Variants in DEFB121 observed in about 807,000 individuals in gnomAD.
DEFB121 encodes beta-defensin 121.
A neutral mutation model predicts 2.5 loss-of-function variants in DEFB121; 5 were observed. The observed-to-expected ratio is 1.96, with a 90% CI of 1.03 to 4.13. DEFB121 has a LOEUF of 4.13. DEFB121 is among the 30% of genes most tolerant of loss of function. The pLI, the probability that DEFB121 is intolerant of heterozygous loss-of-function variation, is 0.00. For missense variants in DEFB121, 87 were observed against 85.0 expected, an observed-to-expected ratio of 1.02 and a Z score of -0.09; for synonymous variants, 39 against 32.6, an observed-to-expected ratio of 1.20 and a Z score of -0.67.
upstream of DEFB121, among the ~76,000 whole-genome samples, chr20:31,417,041 C>G (rs542823288): frequency 6.6e-6 from 1 of 152,040 alleles, no homozygotes; most frequent in African/African-American, 2.4e-5. Context: ...TATAGGCCTC[C>G]CTTCACATTA....
Position 31,405,071 on chromosome 20 carries a change from C to T in DEFB121, c.73G>A (p.Gly25Ser). The change falls in exon 2 of 2, where the codon GGC (glycine) becomes AGC (serine). Residue 25 changes from glycine (G) to serine (S), a missense_variant. Gly to Ser is a moderately conservative substitution (Grantham distance 56). Transcript: ENST00000376314. ...AQVTPVMKCW[G>S]KSGRCRTTCK... ...GTTGTTCTGCACCTGCCTGACTTGC[C>T]CCAACATTTCATGACTGAAAACAAA... The T allele has an allele frequency of 6.3e-7, 1 of 1,595,314 alleles. No individual in the cohort carries two copies. Among genetic ancestry groups the T allele is most frequent in the African/African-American group, 1.4e-5 (1 of 73,630 alleles).
chr20:31,414,647 A>T (rs969688942), upstream of DEFB121, among the ~76,000 whole-genome samples: 1 of 152,260 alleles, frequency 6.6e-6, no homozygotes, highest in Non-Finnish European at 1.5e-5. Flanking sequence ...TGTCTAAAAC[A>T]GTCAAACTTA....
upstream of DEFB121, chr20:31,406,360 G>A (rs986046231): frequency 7.4e-5 from 83 of 1,123,194 alleles, 1 homozygote; most frequent in Non-Finnish European, 8.9e-5. Context: ...GCTGGGAGAG[G>A]GGGAAGGGAC....
chr20:31,405,999 G>C, intron 1 of DEFB121, 96 bp downstream of exon 1: 1 of 1,394,498 alleles, frequency 7.2e-7, no homozygotes, highest in South Asian at 1.2e-5. Context: ...AGCTCTACCA[G>C]GCCATTCTCC....
upstream of DEFB121, among the ~76,000 whole-genome samples, chr20:31,416,340 C>A (rs1357960797): frequency 6.6e-6 from 1 of 152,224 alleles, no homozygotes; most frequent in Non-Finnish European, 1.5e-5. Context: ...AGATTACAGG[C>A]ATAAGCCACG....
chr20:31,412,157 C>T (rs1023000957), intron 1 of DEFB121, among the ~76,000 whole-genome samples: 6 of 152,154 alleles, frequency 3.9e-5, no homozygotes, highest in Non-Finnish European at 8.8e-5. Flanking sequence ...GGATAGGAAG[C>T]ATTGGAGGGT....
At chr20:31,417,233 T>C (rs796751923), upstream of DEFB121, among the ~76,000 whole-genome samples, 25 of 152,114 alleles carry the variant, frequency 1.6e-4, no homozygotes, top group African/African-American at 6.0e-4. Flanking sequence ...TAATCTCAGG[T>C]ACTTGGGAGG....
Position 31,405,083 on chromosome 20 carries a change from T to A in DEFB121, c.61A>T (p.Met21Leu). Residue 21 changes from methionine (M) to leucine (L), a missense_variant and splice_region_variant, in exon 2 of 2, where the codon ATG becomes TTG. Coordinates refer to ENST00000376314, the MANE Select transcript of DEFB121 (RefSeq NM_001011878.3). Reference protein sequence around the residue: ...TLLLAQVTPVMKCWGKSGRCR... With the variant: ...TLLLAQVTPVLKCWGKSGRCR... ...CTGCCTGACTTGCCCCAACATTTCA[T>A]GACTGAAAACAAAAGGGAAGAAGAG... 6.3e-7 allele frequency: 1 copy of A among 1,593,404 alleles called. No individual in the cohort carries two copies. Among genetic ancestry groups the A allele is most frequent in the Non-Finnish European group, 8.5e-7 (1 of 1,174,134 alleles).
Position 31,405,078 on chromosome 20 carries a change from T to C in DEFB121, c.66A>G (p.Lys22=). 3 of 1,593,610 alleles carry C rather than the reference T, an allele frequency of 1.9e-6. No homozygotes were observed. The highest frequency in any genetic ancestry group is 2.6e-6 in the Non-Finnish European group (3 of 1,174,310). Residue 22 remains lysine (K), a synonymous_variant, in exon 2 of 2, where the codon AAA becomes AAG. Transcript: ENST00000376314. ...LLLAQVTPVM[K]CWGKSGRCRT... Reference sequence around the variant, plus strand: ...TGCACCTGCCTGACTTGCCCCAACATTTCATGACTGAAAACAAAAGGGAAG... The same window carrying C: ...TGCACCTGCCTGACTTGCCCCAACACTTCATGACTGAAAACAAAAGGGAAG...
chr20:31,418,409 G>T, the DEFB121 span, among the ~76,000 whole-genome samples: 1 of 152,068 alleles, frequency 6.6e-6, no homozygotes, highest in Non-Finnish European at 1.5e-5. Flanking sequence ...AATGGCTTCG[G>T]ATTTCTCCAC....
intron 1 of DEFB121, 133 bp downstream of exon 1, chr20:31,405,962 T>C (rs959662579): frequency 1.1e-6 from 1 of 937,530 alleles, no homozygotes; most frequent in Non-Finnish European, 1.6e-6. Context: ...TCCCCATAAC[T>C]AGAGAGACTA....
chr20:31,418,259 CAAAAA>C, the DEFB121 span, among the ~76,000 whole-genome samples: 3,284 of 82,508 alleles, frequency 0.04, 52 homozygotes, highest in African/African-American at 0.11. Context: ...GACTCCGTCT[CAAAAA>C]AAAAAAAAAA....
chr20:31,415,218 TAGAA>T (rs1301685835), upstream of DEFB121, among the ~76,000 whole-genome samples: 1 of 151,476 alleles, frequency 6.6e-6, no homozygotes, highest in Non-Finnish European at 1.5e-5. Flanking sequence ...TTGAAAAACT[TAGAA>T]AGCCAGAATA....
chr20:31,412,533 T>A, intron 1 of DEFB121: 1 of 945,092 alleles, frequency 1.1e-6, no homozygotes, highest in Non-Finnish European at 1.5e-6. Flanking sequence ...TTAAATTAGG[T>A]GATGCTTGTA....
intron 1 of DEFB121, 105 bp downstream of exon 1, chr20:31,405,990 G>T: frequency 7.8e-7 from 1 of 1,280,342 alleles, no homozygotes; most frequent in Non-Finnish European, 1.1e-6. Flanking sequence ...GCCTCAATGA[G>T]CTCTACCAGG....
chr20:31,405,006 A>G lies in DEFB121; in HGVS notation c.138T>C (p.Thr46=). The part of the protein sequence containing the change: ...ESEVYYILCK[T]EAKCCVDPKY... ...TGGGATCCACACAGCACTTAGCCTC[A>G]GTTTTGCATAATATATAGTATACTT... The change falls in exon 2 of 2, where the codon ACT becomes ACC. Residue 46 remains threonine, a synonymous_variant. Coordinates refer to ENST00000376314, the MANE Select transcript of DEFB121 (RefSeq NM_001011878.3). The G allele has an allele frequency of 6.2e-7, 1 of 1,613,924 alleles. No homozygotes were observed. The highest frequency in any genetic ancestry group is 8.5e-7 in the Non-Finnish European group (1 of 1,179,978).
At chr20:31,405,817 C>T (rs1247619261) in intron 1 of DEFB121, among the ~76,000 whole-genome samples, 1 of 152,144 alleles carries the variant, frequency 6.6e-6, no homozygotes, top group Non-Finnish European at 1.5e-5. Flanking sequence ...TACTCCATAC[C>T]CAAGTCTCTC....
At chr20:31,418,173 T>C in the DEFB121 span, among the ~76,000 whole-genome samples, 1 of 132,102 alleles carries the variant, frequency 7.6e-6, no homozygotes, top group African/African-American at 2.7e-5. Flanking sequence ...GGCAGGAGAA[T>C]GGCGTGAACC....
chr20:31,413,698 A>G (rs1384674013), upstream of DEFB121, among the ~76,000 whole-genome samples: 1 of 82,070 alleles, frequency 1.2e-5, no homozygotes, highest in Non-Finnish European at 3.1e-5. Context: ...CCACCTCATA[A>G]CTCCACTGGC....
Sources: gnomAD v4.1 joint callset for allele counts (sites outside exome capture counted in the v4.1 genomes callset) on GRCh38, gnomAD v4.1.1 for gene constraint, MANE v1.5 for transcripts, NCBI Gene and HGNC (gene_info 2026-07-23, HGNC 2026-07-21) for gene names.